The following TMEM184A variants were observed in gnomAD, a reference collection of about 807,000 sequenced individuals.
The protein encoded by TMEM184A is transmembrane protein 184A.
A neutral mutation model predicts 39.5 loss-of-function variants in TMEM184A; 40 were observed. The ratio of observed to expected loss-of-function variants is 1.01; its 90% CI spans 0.79 to 1.32. The LOEUF (loss-of-function observed/expected upper bound fraction) is 1.32. Ranked by LOEUF, TMEM184A falls within the 40% of genes most tolerant of loss-of-function variation. TMEM184A has a pLI of 0.00. For synonymous variants in TMEM184A, 280 were observed against 252.3 expected (o/e 1.11, Z -1.04); for missense variants, 603 against 568.8 (o/e 1.06, Z -0.61).
chr7:1,550,628 C>T (rs553805361), intron 3 of TMEM184A, among the ~76,000 whole-genome samples, 189 bp downstream of exon 3: 2 of 152,284 alleles, frequency 1.3e-5, no homozygotes, highest in African/African-American at 2.4e-5. Flanking sequence ...GCCCCTCTCA[C>T]GGAGGCTGTG....
chr7:1,551,483 A>T (rs1287475045), intron 2 of TMEM184A, among the ~76,000 whole-genome samples: 1 of 152,220 alleles, frequency 6.6e-6, no homozygotes, highest in Non-Finnish European at 1.5e-5. Flanking sequence ...AGTTTTCTAC[A>T]ATGGGCATCC....
rs1778548581 is a variant in TMEM184A, at chr7:1,555,965, C to T, written c.-1+149G>A. On this transcript the variant is annotated intron_variant, in intron 1 of 8. Transcript: ENST00000297477. This position sits in a 1 kb window ranked among gnomAD's most constrained non-coding sequence, Gnocchi z 5.2. The stretch of plus-strand genomic sequence containing the variant: ...GGGACCTGTCCACCCACCTGGGAGC[C>T]CGGCTTTGCTGGGGTTCTTGGCAGC... 1 of 213,778 alleles carries T rather than the reference C, an allele frequency of 4.7e-6. No individual in the cohort carries two copies. The allele number at this position is 213,778 out of a possible 1,614,324, so 13.2% of individuals were successfully genotyped here. A position where few individuals can be genotyped will look rare whatever the true frequency, so the allele number is the denominator to read the frequency against.
At chr7:1,549,981 G>A in intron 5 of TMEM184A, 36 bp from the exon 6 acceptor site, 2 of 1,607,978 alleles carry the variant, frequency 1.2e-6, no homozygotes, top group South Asian at 1.1e-5. Context: ...CTGGGGCCAG[G>A]TCCCCCAGGG....
At chr7:1,552,453 A>G (rs1690025912) in intron 2 of TMEM184A, among the ~76,000 whole-genome samples, 1 of 150,836 alleles carries the variant, frequency 6.6e-6, no homozygotes, top group African/African-American at 2.4e-5. Context: ...TCTCTTGGCA[A>G]TTTTCAAGCA....
chr7:1,549,991 G>T, intron 5 of TMEM184A, 46 bp from the exon 6 acceptor site: 1 of 1,605,768 alleles, frequency 6.2e-7, no homozygotes, highest in Non-Finnish European at 8.5e-7. Context: ...GTCCCCCAGG[G>T]GCCCAGGAAT....
At chr7:1,550,016 C>A (rs1008203488) in intron 5 of TMEM184A, 71 bp from the exon 6 acceptor site, 4 of 1,598,084 alleles carry the variant, frequency 2.5e-6, no homozygotes, top group African/African-American at 2.7e-5. Flanking sequence ...ATTGGGGCAG[C>A]CAGCAATGAG....
rs773745617 is a variant in TMEM184A at position 1,555,298 on chromosome 7, C to G, written c.187G>C (p.Val63Leu). The G allele has an allele frequency of 2.5e-6, 4 of 1,607,308 alleles. No homozygotes were observed. The African/African-American group carries it at 4.0e-5, about 16-fold the overall frequency. Residue 63 changes from valine (V) to leucine (L), a missense_variant, in exon 2 of 9, where the codon GTG becomes CTG. Transcript: ENST00000297477. The surrounding 1 kb of genome is among the most constrained non-coding windows in gnomAD (Gnocchi z 5.2). ...ALARGVSGIF[V>L]WTALVLTCHQ... ...CAGGTGAGCACCAGGGCAGTCCACA[C>G]GAAGATCCCCGAGACGCCTCGGGCC... is the stretch of plus-strand genomic sequence containing the variant.
rs369149971 is a variant in TMEM184A at position 1,544,221 on chromosome 7, C to T, written c.*2731G>A. 17 of 152,246 alleles carry T rather than the reference C, an allele frequency of 1.1e-4. No homozygotes were observed. The highest frequency in any genetic ancestry group is 4.1e-4 in the South Asian group (2 of 4,836). The allele number at this position is 152,246 out of a possible 1,614,324, so 9.4% of individuals were successfully genotyped here. On this transcript the variant is annotated 3_prime_UTR_variant, in exon 9 of 9. Transcript: ENST00000297477. The stretch of plus-strand genomic sequence containing the variant: ...TGAGTTGGGGGCACAGAGCCCCAGC[C>T]CTGTGTGGGGCTCCTGGAGGCTGCG...
At position 1,542,645 on chromosome 7, in the gene TMEM184A, A is replaced by G. The variant is rs1784222596; in HGVS notation, c.*4307T>C. Reference sequence around the variant, plus strand: ...CTGCTTTTCTTTTCAGATTGTTGAAATTTCATTGTCATGATTTAATATATG... The same window carrying G: ...CTGCTTTTCTTTTCAGATTGTTGAAGTTTCATTGTCATGATTTAATATATG... On this transcript the variant is annotated 3_prime_UTR_variant, in exon 9 of 9. Coordinates refer to ENST00000297477, the MANE Select transcript of TMEM184A (RefSeq NM_001097620.2). The G allele has an allele frequency of 2.0e-5, 3 of 152,318 alleles. No individual in the cohort carries two copies. The highest frequency in any genetic ancestry group is 7.2e-5 in the African/African-American group (3 of 41,462). The allele number at this position is 152,318 out of a possible 1,614,324, so 9.4% of individuals were successfully genotyped here. A position where few individuals can be genotyped will look rare whatever the true frequency, so the allele number is the denominator to read the frequency against.
chr7:1,554,110 T>C (rs1778453694), intron 2 of TMEM184A, among the ~76,000 whole-genome samples: 1 of 152,080 alleles, frequency 6.6e-6, no homozygotes, highest in South Asian at 2.1e-4. Flanking sequence ...CTCATACACG[T>C]CTACCGTGGG....
chr7:1,546,934 C>T lies in TMEM184A; in HGVS notation c.*18G>A, dbSNP rs1784365306. ...CTGGGCAGCCTGGGTCCCTACAGCA[C>T]TGGCAGCCCAGGCCCCCCTACAGGT... On this transcript the variant is annotated 3_prime_UTR_variant, in exon 9 of 9. Transcript: ENST00000297477. The T allele has an allele frequency of 6.6e-7, 1 of 1,511,010 alleles. No homozygotes were observed. The highest frequency in any genetic ancestry group is 2.3e-5 in the East Asian group (1 of 43,490). 93.6% of individuals were successfully genotyped at this position (1,511,010 alleles called of 1,614,324 possible).
rs781384140 is a variant in TMEM184A at position 1,547,895 on chromosome 7, C to T, written c.859G>A (p.Val287Met). 6.9e-6 allele frequency: 11 copies of T among 1,594,500 alleles called. No homozygotes were observed. Among genetic ancestry groups the T allele is most frequent in the Non-Finnish European group, 9.4e-6 (11 of 1,171,202 alleles). Residue 287 changes from valine to methionine, a missense_variant, in exon 8 of 9, where the codon GTG (valine) becomes ATG (methionine). Physicochemically the swap from Val to Met is conservative, Grantham distance 21. Coordinates refer to ENST00000297477, the MANE Select transcript of TMEM184A (RefSeq NM_001097620.2). The stretch of plus-strand genomic sequence containing the variant: ...AGCTTGTTCCCGCCGCTGGTCTCCA[C>T]CTCCGGGATGACCCCGCACCGCTCC... ...ILERCGVIPEVETSGGNKLGA... is the reference protein window; with the variant it reads ...ILERCGVIPEMETSGGNKLGA...
Position 1,555,640 on chromosome 7 carries a change from G to A in TMEM184A, c.1-156C>T. ...CCCCCCACACGGACACCAGCGCCAG[G>A]CCCGGCTCCCTCCCTGCTCCGAGCT... is the stretch of plus-strand genomic sequence containing the variant. On this transcript the variant is annotated intron_variant, in intron 1 of 8. Coordinates refer to ENST00000297477, the MANE Select transcript of TMEM184A (RefSeq NM_001097620.2). The surrounding 1 kb of genome is among the most constrained non-coding windows in gnomAD (Gnocchi z 5.2). 1.5e-6 allele frequency: 1 copy of A among 681,106 alleles called. No individual in the cohort carries two copies. Among genetic ancestry groups the A allele is most frequent in the Middle Eastern group, 3.8e-4 (1 of 2,618 alleles). The allele number at this position is 681,106 out of a possible 1,614,324, so 42.2% of individuals were successfully genotyped here. A position where few individuals can be genotyped will look rare whatever the true frequency, so the allele number is the denominator to read the frequency against.
Position 1,547,919 on chromosome 7 carries a change from C to T in TMEM184A, c.835G>A (p.Glu279Lys). ...FWQGLLLAIL[E>K]RCGVIPEVET... is the part of the protein sequence containing the mutation. ...ACCTCCGGGATGACCCCGCACCGCT[C>T]CAGGATGGCCAGCAGCAGCCCTGCG... The change falls in exon 8 of 9, where the codon GAG (glutamate) becomes AAG (lysine). Residue 279 changes from glutamate to lysine, a missense_variant. Physicochemically the swap from Glu to Lys is moderately conservative, Grantham distance 56. Transcript: ENST00000297477. 1 of 1,578,684 alleles carries T rather than the reference C, an allele frequency of 6.3e-7. No individual in the cohort carries two copies. The highest frequency in any genetic ancestry group is 8.6e-7 in the Non-Finnish European group (1 of 1,163,340).
At chr7:1,549,026 A>G (rs1430835071) in intron 6 of TMEM184A, 4 of 527,146 alleles carry the variant, frequency 7.6e-6, no homozygotes, top group South Asian at 4.6e-5. Flanking sequence ...CCACCTGGCC[A>G]CTGCCTGAAG....
In TMEM184A at chr7:1,546,899, C is replaced by A; in HGVS notation, c.*53G>T. On this transcript the variant is annotated 3_prime_UTR_variant, in exon 9 of 9. Transcript: ENST00000297477. ...TGGTGGGTGGGGGGACCCTGTTCTTCCCCAGAGGCCTGGGCAGCCTGGGTC... is the reference window on the plus strand; with the variant it reads ...TGGTGGGTGGGGGGACCCTGTTCTTACCCAGAGGCCTGGGCAGCCTGGGTC... 7.8e-7 allele frequency: 1 copy of A among 1,288,716 alleles called. No individual in the cohort carries two copies. Among genetic ancestry groups the A allele is most frequent in the Non-Finnish European group, 1.0e-6 (1 of 961,220 alleles). The allele number at this position is 1,288,716 out of a possible 1,614,324, so 79.8% of individuals were successfully genotyped here.
At chr7:1,554,063 G>C (rs570546089) in intron 2 of TMEM184A, among the ~76,000 whole-genome samples, 5 of 152,076 alleles carry the variant, frequency 3.3e-5, no homozygotes, top group Non-Finnish European at 7.4e-5. Context: ...GGCCTGCCTC[G>C]GCACTGCCTC....
chr7:1,553,575 G>A (rs928384271), intron 2 of TMEM184A, among the ~76,000 whole-genome samples: 2 of 152,218 alleles, frequency 1.3e-5, no homozygotes, highest in Non-Finnish European at 2.9e-5. Context: ...AGGTGCATGC[G>A]TGGCGGTGGG....
chr7:1,547,391 G>A (rs908472471), intron 8 of TMEM184A, among the ~76,000 whole-genome samples: 7 of 152,222 alleles, frequency 4.6e-5, no homozygotes, highest in Non-Finnish European at 8.8e-5. Context: ...CAAGGACCAC[G>A]TCCCCTAGAG....
Sources: allele counts gnomAD v4.1 joint callset (sites outside exome capture counted in the v4.1 genomes callset), GRCh38; gene constraint gnomAD v4.1.1; non-coding constraint Gnocchi (gnomAD v3.1); transcripts MANE v1.5; gene names NCBI Gene and HGNC (gene_info 2026-07-23, HGNC 2026-07-21).